ZNF561: variants seen among roughly 807,000 people sequenced by gnomAD.
The protein encoded by ZNF561 is zinc finger protein 561.
In ZNF561, 16 loss-of-function variants were observed where a neutral mutation model predicts 16.7. The observed-to-expected ratio is 0.96, with a 90% CI of 0.65 to 1.45. ZNF561 has a LOEUF of 1.45. ZNF561 is among the 40% of genes most tolerant of loss of function. The pLI, the probability that ZNF561 is intolerant of heterozygous loss-of-function variation, is 0.00. For synonymous variants in ZNF561, 190 were observed against 192.1 expected, an observed-to-expected ratio of 0.99 and a Z score of 0.09; for missense variants, 580 against 578.0, an observed-to-expected ratio of 1.00 and a Z score of -0.04.
chr19:9,612,721 T>C (rs2144879545), intron 5 of ZNF561, among the ~76,000 whole-genome samples: 1 of 152,356 alleles, frequency 6.6e-6, no homozygotes, highest in East Asian at 1.9e-4. Flanking sequence ...CCAGATTGAA[T>C]GATGGGCCCT....
chr19:9,613,927 G>A, intron 5 of ZNF561, 94 bp downstream of exon 5: 1 of 1,485,766 alleles, frequency 6.7e-7, no homozygotes, highest in African/African-American at 1.4e-5. Flanking sequence ...GATTACAGAT[G>A]TAAGCCACAC....
Position 9,614,122 on chromosome 19 carries a change from AG to A in ZNF561, c.242-20del. On this transcript the variant is annotated intron_variant, in intron 4 of 5. Transcript: ENST00000302851. The stretch of plus-strand genomic sequence containing the variant: ...TCCCATTCTAAAGTTAAGCAGAAAA[AG>A]AAACGTAAGGATTTAGAGAAGAAAT... 6.2e-7 allele frequency: 1 copy of A among 1,612,614 alleles called. No individual in the cohort carries two copies. Among genetic ancestry groups the A allele is most frequent in the African/African-American group, 1.3e-5 (1 of 75,016 alleles).
At chr19:9,620,826 TAAGGTCAGGAGTTC>T (rs1439561558) in intron 1 of ZNF561, 2 of 152,278 alleles carry the variant, frequency 1.3e-5, no homozygotes, top group Non-Finnish European at 2.9e-5. Context: ...ACAGATCACC[TAAGGTCAGGAGTTC>T]AAGACCAGCC....
Position 9,614,204 on chromosome 19 carries a change from T to C in ZNF561, c.242-101A>G. The C allele has an allele frequency of 5.5e-6, 8 of 1,452,974 alleles. No individual in the cohort carries two copies. The South Asian group carries it at 8.5e-5, about 16-fold the overall frequency. The allele number at this position is 1,452,974 out of a possible 1,614,324, so 90.0% of individuals were successfully genotyped here. A position where few individuals can be genotyped will look rare whatever the true frequency, so the allele number is the denominator to read the frequency against. ...TTTCAAATTAAACACAGCAATAAAATAAAAGCCAGAGAACCTTGAGGATTT... is the reference window on the plus strand; with the variant it reads ...TTTCAAATTAAACACAGCAATAAAACAAAAGCCAGAGAACCTTGAGGATTT... On this transcript the variant is annotated intron_variant, in intron 4 of 5. Transcript: ENST00000302851.
rs1447456617 is a variant in ZNF561, at chr19:9,610,570, G to A, written c.1091C>T (p.Pro364Leu). ...IHIRSHSGKK[P>L]YQCKECGKAF... is the part of the protein sequence containing the mutation. ...TTTCCCACATTCCTTACACTGATAG[G>A]GTTTCTTTCCACTGTGACTTCGTAT... The change falls in exon 6 of 6, where the codon CCC (proline) becomes CTC (leucine). Residue 364 changes from proline (P) to leucine (L), a missense_variant. Transcript: ENST00000302851. 1.9e-6 allele frequency: 3 copies of A among 1,613,470 alleles called. No individual in the cohort carries two copies. Among genetic ancestry groups the A allele is most frequent in the Non-Finnish European group, 2.5e-6 (3 of 1,179,608 alleles).
chr19:9,613,329 C>T (rs1182504286), intron 5 of ZNF561, among the ~76,000 whole-genome samples: 1 of 151,994 alleles, frequency 6.6e-6, no homozygotes, highest in East Asian at 1.9e-4. Flanking sequence ...ACTCCACCTC[C>T]TGGGTTTAAG....
chr19:9,616,892 C>T (rs2074564313), intron 4 of ZNF561, 153 bp downstream of exon 4: 9 of 1,081,902 alleles, frequency 8.3e-6, no homozygotes, highest in Admixed American at 3.0e-5. Flanking sequence ...CTGCGCCCGG[C>T]CTAGAATTTT....
In ZNF561 at chr19:9,617,152, T is replaced by A. The variant is rs536174770; in HGVS notation, c.134A>T (p.Asp45Val). ...SGYQDSVTFDDVAVDFTPEEW... is the reference protein window; with the variant it reads ...SGYQDSVTFDVVAVDFTPEEW... ...CTCTGGGGTGAAGTCCACAGCCACA[T>A]CATCAAACGTCACTGAATCCTATGT... is the stretch of plus-strand genomic sequence containing the variant. The change falls in exon 4 of 6, where the codon GAT becomes GTT. Residue 45 changes from aspartate (D) to valine (V), a missense_variant. Physicochemically the swap from Asp to Val is radical, Grantham distance 152. Coordinates refer to ENST00000302851, the MANE Select transcript of ZNF561 (RefSeq NM_152289.3). 2.5e-6 allele frequency: 4 copies of A among 1,613,094 alleles called. No homozygotes were observed. In the South Asian group the frequency reaches 3.3e-5, roughly 13 times the overall value.
intron 4 of ZNF561, among the ~76,000 whole-genome samples, chr19:9,615,122 G>A (rs896621121): frequency 4.6e-5 from 7 of 151,878 alleles, no homozygotes; most frequent in African/African-American, 1.5e-4. Context: ...TTACAGGCAT[G>A]AGCCACCACA....
rs989311621 is a variant in ZNF561 at position 9,608,441 on chromosome 19, T to G, written c.*1759A>C. The G allele has an allele frequency of 1.3e-5, 2 of 152,076 alleles. No homozygotes were observed. Among genetic ancestry groups the G allele is most frequent in the African/African-American group, 4.8e-5 (2 of 41,396 alleles). 9.4% of individuals were successfully genotyped at this position (152,076 alleles called of 1,614,324 possible). On this transcript the variant is annotated 3_prime_UTR_variant, in exon 6 of 6. Transcript: ENST00000302851. ...ATCTCAGACTTCCAGCCTCGAGAAA[T>G]GTGAGAATATAAATTTGTTTTTAAC...
rs770801685 is a variant in ZNF561, at chr19:9,619,439, C to T, written c.18G>A (p.Leu6=). The stretch of plus-strand genomic sequence containing the variant: ...GCATCAACAAAGACTTACCACGGGA[C>T]AAATAAATGGCTGCCATTCTCTGAA... MAAIY[L]SRGFFSREPI... The change falls in exon 2 of 6, where the codon TTG becomes TTA. Residue 6 remains leucine, a synonymous_variant. Transcript: ENST00000302851. 102 of 1,613,308 alleles carry T rather than the reference C, an allele frequency of 6.3e-5. No individual in the cohort carries two copies. Among genetic ancestry groups the T allele is most frequent in the South Asian group, 4.6e-4 (42 of 91,032 alleles).
intron 4 of ZNF561, among the ~76,000 whole-genome samples, chr19:9,616,542 A>G (rs1293079185): frequency 6.6e-6 from 1 of 151,918 alleles, no homozygotes. Context: ...CGGCCTCCCA[A>G]AGTGCTGGGA....
chr19:9,612,624 C>T (rs1372338367), intron 5 of ZNF561, among the ~76,000 whole-genome samples: 2 of 151,730 alleles, frequency 1.3e-5, no homozygotes, highest in Non-Finnish European at 2.9e-5. Context: ...GGATTACAGC[C>T]ATGAGCTACC....
At chr19:9,617,611 G>C (rs978196013) in intron 3 of ZNF561, 3 of 453,224 alleles carry the variant, frequency 6.6e-6, no homozygotes, top group African/African-American at 6.0e-5. Flanking sequence ...GGCTGAAGTG[G>C]TCCTCTCACC....
Position 9,610,952 on chromosome 19 carries a change from A to T in ZNF561, c.709T>A (p.Ser237Thr). The part of the protein sequence containing the change: ...FQEYGRAVTA[S>T]SHLKQCVAVH... ...GCTACACACTGCTTTAGGTGTGAAG[A>T]AGCTGTGACAGCTCTCCCATATTCC... Residue 237 changes from serine (S) to threonine (T), a missense_variant, in exon 6 of 6, where the codon TCT becomes ACT. Coordinates refer to ENST00000302851, the MANE Select transcript of ZNF561 (RefSeq NM_152289.3). The T allele has an allele frequency of 2.5e-6, 4 of 1,614,190 alleles. No homozygotes were observed. The highest frequency in any genetic ancestry group is 2.5e-6 in the Non-Finnish European group (3 of 1,180,026).
chr19:9,607,757 T>C lies in ZNF561; in HGVS notation c.*2443A>G, dbSNP rs926019112. ...GAGTCATTATTTACAGATTATGTGA[T>C]TGTCTATGTGGAAACGGAAAAGAAT... is the stretch of plus-strand genomic sequence containing the variant. On this transcript the variant is annotated 3_prime_UTR_variant, in exon 6 of 6. Transcript: ENST00000302851. The C allele has an allele frequency of 1.1e-4, 16 of 152,300 alleles. No individual in the cohort carries two copies. The highest frequency in any genetic ancestry group is 2.1e-4 in the South Asian group (1 of 4,828). 9.4% of individuals were successfully genotyped at this position (152,300 alleles called of 1,614,324 possible). A position where few individuals can be genotyped will look rare whatever the true frequency, so the allele number is the denominator to read the frequency against.
chr19:9,619,401 T>C (rs1203898376), intron 2 of ZNF561, 31 bp downstream of exon 2: 4 of 1,610,940 alleles, frequency 2.5e-6, no homozygotes, highest in Non-Finnish European at 3.4e-6. Context: ...TAAAGCAGAA[T>C]CTCTGAAAAA....
At position 9,611,224 on chromosome 19, in the gene ZNF561, G is replaced by C; in HGVS notation, c.437C>G (p.Ser146Cys). The change falls in exon 6 of 6, where the codon TCT becomes TGT. Residue 146 changes from serine to cysteine, a missense_variant. By Grantham distance (112) the Ser-to-Cys change is moderately radical (BLOSUM62 -1). Coordinates refer to ENST00000302851, the MANE Select transcript of ZNF561 (RefSeq NM_152289.3). ...HMRVQNGGNT[S>C]EGNCYGKDTL... ...GTCTTTTCCATAACAATTACCCTCAGAAGTATTCCCTCCATTCTGAACTCT... is the reference window on the plus strand; with the variant it reads ...GTCTTTTCCATAACAATTACCCTCACAAGTATTCCCTCCATTCTGAACTCT... 6.2e-7 allele frequency: 1 copy of C among 1,613,934 alleles called. No homozygotes were observed.
intron 4 of ZNF561, 158 bp from the exon 5 acceptor site, chr19:9,614,261 G>T: frequency 1.3e-6 from 1 of 758,238 alleles, no homozygotes; most frequent in Non-Finnish European, 2.1e-6. Context: ...ATAATGATGT[G>T]GGGTTTATTA....
Sources: gnomAD v4.1 joint callset for allele counts (sites outside exome capture counted in the v4.1 genomes callset) on GRCh38, gnomAD v4.1.1 for gene constraint, MANE v1.5 for transcripts, NCBI Gene and HGNC (gene_info 2026-07-23, HGNC 2026-07-21) for gene names.